NPAS3: variants seen among roughly 807,000 people sequenced by gnomAD.
NPAS3 encodes the protein neuronal PAS domain protein 3.
In NPAS3, 14 loss-of-function variants were observed where a neutral mutation model predicts 73.1. The observed-to-expected ratio is 0.19, with a 90% CI of 0.13 to 0.30. NPAS3 has a LOEUF of 0.30. Among genes scored for constraint, NPAS3 ranks in the 10% least tolerant of loss-of-function variants. The pLI is 1.00. For missense variants in NPAS3, 1,096 were observed against 1,250.0 expected, an observed-to-expected ratio of 0.88 and a Z score of 1.86; for synonymous variants, 620 against 541.5, an observed-to-expected ratio of 1.14 and a Z score of -2.01.
At chr14:33,264,910 C>A (rs1156525098) in intron 3 of NPAS3, among the ~76,000 whole-genome samples, 1 of 152,164 alleles carries the variant, frequency 6.6e-6, no homozygotes, top group Non-Finnish European at 1.5e-5. Flanking sequence ...TCCCCACTTC[C>A]ATTATTCTTC....
intron 1 of NPAS3, among the ~76,000 whole-genome samples, chr14:33,046,585 A>T (rs2040513816): frequency 6.6e-6 from 1 of 152,166 alleles, no homozygotes. Context: ...TGCAAGTGGA[A>T]GGTGATGGAA....
intron 1 of NPAS3, among the ~76,000 whole-genome samples, chr14:33,009,573 TG>T (rs2039119768): frequency 6.6e-6 from 1 of 152,184 alleles, no homozygotes; most frequent in Admixed American, 6.5e-5. Context: ...AATGGAAGCA[TG>T]AGCAGTAGCA....
intron 6 of NPAS3, among the ~76,000 whole-genome samples, chr14:33,683,056 TTTCTC>T (rs144072321): frequency 0.75 from 114,075 of 151,552 alleles, 44,172 homozygotes; most frequent in East Asian, 0.97. Context: ...TGAAACTAAC[TTTCTC>T]TTCTCTTTCA....
Position 33,674,160 on chromosome 14 carries a change from GGA to G in NPAS3, c.559-2045_559-2044del, listed in dbSNP as rs367829810. Among the ~76,000 whole-genome samples, 228 of 152,244 alleles carry G rather than the reference GGA, an allele frequency of 1.5e-3. 1 individual carries two copies. The highest frequency in any genetic ancestry group is 6.9e-3 in the Admixed American group (106 of 15,280). On this transcript the variant is annotated intron_variant, in intron 5 of 11. Transcript: ENST00000356141. The stretch of plus-strand genomic sequence containing the variant: ...TGCACATCCGAGCAAATCAGGATGT[GGA>G]GAGAGTGGCCTATTTCTGCTCTCTA...
intron 4 of NPAS3, among the ~76,000 whole-genome samples, chr14:33,396,746 T>C (rs2047238980): frequency 6.6e-6 from 1 of 152,170 alleles, no homozygotes; most frequent in African/African-American, 2.4e-5. Context: ...TTGAACTTAA[T>C]ACCTTATATT....
rs184873973 is a variant in NPAS3 at position 33,739,140 on chromosome 14, G to A, written c.852+3808G>A. On this transcript the variant is annotated intron_variant, in intron 7 of 11. Transcript: ENST00000356141. ...TAGGCAAACGGAGAAAAGCTGTCATGTTTATATAATGCTCGGAGTGTCTTC... is the reference window on the plus strand; with the variant it reads ...TAGGCAAACGGAGAAAAGCTGTCATATTTATATAATGCTCGGAGTGTCTTC... Among the ~76,000 whole-genome samples, 8 of 152,306 alleles carry A rather than the reference G, an allele frequency of 5.3e-5. No individual in the cohort carries two copies. In the East Asian group the frequency reaches 1.5e-3, roughly 29 times the overall value.
At chr14:33,475,017 C>T (rs2050954781) in intron 4 of NPAS3, among the ~76,000 whole-genome samples, 1 of 152,046 alleles carries the variant, frequency 6.6e-6, no homozygotes, top group African/African-American at 2.4e-5. Context: ...AGTGGGTTAG[C>T]TGGGAAATGA....
At chr14:33,728,223 T>C (rs1236350840) in intron 6 of NPAS3, among the ~76,000 whole-genome samples, 1 of 152,224 alleles carries the variant, frequency 6.6e-6, no homozygotes, top group Admixed American at 6.5e-5. Flanking sequence ...ATTACAATTC[T>C]CATTCGAGAC....
chr14:33,674,117 G>A (rs1361083013), intron 5 of NPAS3, among the ~76,000 whole-genome samples: 2 of 152,140 alleles, frequency 1.3e-5, no homozygotes, highest in African/African-American at 2.4e-5. Context: ...GGACATTATT[G>A]TATAGGAAGG....
At chr14:33,648,185 G>A (rs974709409) in intron 5 of NPAS3, among the ~76,000 whole-genome samples, 12 of 152,180 alleles carry the variant, frequency 7.9e-5, no homozygotes, top group Admixed American at 2.0e-4. Context: ...AAGTTACTGA[G>A]ATGAATTTAT....
chr14:33,044,484 T>C (rs1566497926), intron 1 of NPAS3, among the ~76,000 whole-genome samples: 1 of 152,182 alleles, frequency 6.6e-6, no homozygotes, highest in African/African-American at 2.4e-5. Flanking sequence ...CTGATGGATG[T>C]GTATAGCAAC....
At chr14:33,274,534 A>T (rs1007864189) in intron 3 of NPAS3, among the ~76,000 whole-genome samples, 8 of 151,950 alleles carry the variant, frequency 5.3e-5, no homozygotes, top group African/African-American at 1.9e-4. Flanking sequence ...GTTTCCATAG[A>T]CCCTGCCTCA....
intron 4 of NPAS3, among the ~76,000 whole-genome samples, chr14:33,471,037 C>A (rs79313413): frequency 5.3e-5 from 8 of 152,068 alleles, no homozygotes; most frequent in Non-Finnish European, 1.0e-4. Context: ...TAGAATTGCA[C>A]GTAGCCAGTT....
chr14:33,671,890 A>C (rs1036733112), intron 5 of NPAS3, among the ~76,000 whole-genome samples: 4 of 152,186 alleles, frequency 2.6e-5, no homozygotes, highest in African/African-American at 9.7e-5. Flanking sequence ...TGCAATTTGC[A>C]CTAATCAGAA....
chr14:33,762,467 C>A (rs186119896), intron 7 of NPAS3, among the ~76,000 whole-genome samples: 25 of 152,284 alleles, frequency 1.6e-4, no homozygotes, highest in African/African-American at 2.9e-4. Context: ...TTTCAGGGAA[C>A]TTTCAGGTTA....
intron 3 of NPAS3, among the ~76,000 whole-genome samples, chr14:33,291,393 G>A (rs1056822014): frequency 6.6e-6 from 1 of 152,118 alleles, no homozygotes; most frequent in African/African-American, 2.4e-5. Flanking sequence ...TTCTCTGATG[G>A]TAATGCAGGC....
intron 7 of NPAS3, among the ~76,000 whole-genome samples, chr14:33,770,036 G>T (rs913111355): frequency 3.3e-5 from 5 of 151,980 alleles, no homozygotes; most frequent in African/African-American, 1.2e-4. Context: ...AAGCACTGGG[G>T]TTACAGGTGT....
In NPAS3 at chr14:33,272,988, C is replaced by G. The variant is rs115348177; in HGVS notation, c.385+57562C>G. 2.0e-3 allele frequency among the ~76,000 whole-genome samples: 309 copies of G among 152,316 alleles called. 2 individuals carry two copies. The highest frequency in any genetic ancestry group is 7.1e-3 in the African/African-American group (294 of 41,576). The stretch of plus-strand genomic sequence containing the variant: ...ATTTCCAATTTACTTCCCACTTTCT[C>G]GCCAATTAAATTACTTGGTATATTC... On this transcript the variant is annotated intron_variant, in intron 3 of 11. Coordinates refer to ENST00000356141, the Ensembl canonical transcript of NPAS3.
intron 6 of NPAS3, among the ~76,000 whole-genome samples, chr14:33,711,309 A>G (rs4982106): frequency 0.35 from 53,595 of 151,708 alleles, 10,116 homozygotes; most frequent in Admixed American, 0.52. Context: ...CGTAACAATA[A>G]CTGAACTGGC....
Sources: gnomAD v4.1 joint callset for allele counts (sites outside exome capture counted in the v4.1 genomes callset) on GRCh38, gnomAD v4.1.1 for gene constraint, MANE v1.5 for transcripts, NCBI Gene and HGNC (gene_info 2026-07-23, HGNC 2026-07-21) for gene names.